The following FAF1 variants were observed in gnomAD, a reference collection of about 807,000 sequenced individuals.
FAF1 encodes the protein FAS-associated factor 1.
In FAF1, 25 loss-of-function variants were observed where a neutral mutation model predicts 92.5. The ratio of observed to expected loss-of-function variants is 0.27; its 90% CI spans 0.20 to 0.38. The LOEUF is 0.38. Ranked by LOEUF, FAF1 falls within the 10% of genes least tolerant of loss-of-function variation. The pLI is 1.00. For missense variants in FAF1, 636 were observed against 793.3 expected (o/e 0.80, Z 2.38); for synonymous variants, 234 against 273.2 (o/e 0.86, Z 1.42).
chr1:50,579,901 G>A (rs966665050), intron 12 of FAF1, among the ~76,000 whole-genome samples: 4 of 152,158 alleles, frequency 2.6e-5, no homozygotes, highest in Non-Finnish European at 5.9e-5. Context: ...GGTGAAGTTT[G>A]TATATGCACT....
intron 13 of FAF1, 110 bp downstream of exon 13, chr1:50,566,967 A>G (rs560843473): frequency 1.3e-6 from 1 of 741,024 alleles, no homozygotes; most frequent in Admixed American, 2.9e-5. Flanking sequence ...AATGAAATGC[A>G]ATGGTAGAGA....
chr1:50,563,899 T>G (rs189316396), intron 13 of FAF1, among the ~76,000 whole-genome samples: 1 of 152,208 alleles, frequency 6.6e-6, no homozygotes, highest in Non-Finnish European at 1.5e-5. Flanking sequence ...TAGAATCATT[T>G]AAGAGGTGTA....
At chr1:50,614,932 A>G (rs1437801790) in intron 8 of FAF1, among the ~76,000 whole-genome samples, 1 of 152,082 alleles carries the variant, frequency 6.6e-6, no homozygotes, top group African/African-American at 2.4e-5. Context: ...TTAAATTTCA[A>G]CTTTTATGTT....
intron 15 of FAF1, among the ~76,000 whole-genome samples, chr1:50,512,187 T>C (rs1402118980): frequency 6.6e-6 from 1 of 152,198 alleles, no homozygotes; most frequent in Non-Finnish European, 1.5e-5. Context: ...ATTCTGTAGG[T>C]TGCCTGTTCA....
chr1:50,835,332 T>C (rs1282193371), intron 2 of FAF1, among the ~76,000 whole-genome samples: 1 of 152,090 alleles, frequency 6.6e-6, no homozygotes, highest in Admixed American at 6.5e-5. Flanking sequence ...TTATAAAAAG[T>C]TAAGAGAAAG....
At chr1:50,533,707 C>T (rs573794303) in intron 15 of FAF1, among the ~76,000 whole-genome samples, 3 of 152,282 alleles carry the variant, frequency 2.0e-5, no homozygotes, top group Admixed American at 1.3e-4. Context: ...CTCTCCCTTA[C>T]GTGTTCTAGG....
chr1:50,732,326 T>TG (rs1409687399), intron 6 of FAF1, among the ~76,000 whole-genome samples: 1 of 152,032 alleles, frequency 6.6e-6, no homozygotes, highest in Non-Finnish European at 1.5e-5. Context: ...CTGCCCACCT[T>TG]GGCCTCCCAA....
At chr1:50,665,585 C>T (rs1655580515) in intron 7 of FAF1, among the ~76,000 whole-genome samples, 1 of 152,194 alleles carries the variant, frequency 6.6e-6, no homozygotes, top group Non-Finnish European at 1.5e-5. Flanking sequence ...TAAAGTTACA[C>T]TGGAACACAG....
intron 8 of FAF1, among the ~76,000 whole-genome samples, chr1:50,624,439 G>A (rs1020829218): frequency 3.9e-5 from 6 of 151,942 alleles, no homozygotes; most frequent in Non-Finnish European, 1.5e-5. Flanking sequence ...GAGCCACCGC[G>A]CCCGGCCAAC....
intron 8 of FAF1, among the ~76,000 whole-genome samples, chr1:50,616,395 G>C (rs929345665): frequency 6.6e-6 from 1 of 152,052 alleles, no homozygotes; most frequent in Non-Finnish European, 1.5e-5. Flanking sequence ...TAGTTTGATC[G>C]GAATAACACA....
chr1:50,570,155 G>A (rs943170524), intron 12 of FAF1, among the ~76,000 whole-genome samples: 1 of 152,160 alleles, frequency 6.6e-6, no homozygotes, highest in Admixed American at 6.6e-5. Flanking sequence ...CTAGCTCCTA[G>A]AGAGACAGCT....
At chr1:50,901,669 C>A (rs911527096) in intron 1 of FAF1, among the ~76,000 whole-genome samples, 1 of 152,072 alleles carries the variant, frequency 6.6e-6, no homozygotes, top group African/African-American at 2.4e-5. Flanking sequence ...GAGTTCAATA[C>A]CAGCCTAGGC....
chr1:50,812,264 C>A (rs1643922911), intron 2 of FAF1, among the ~76,000 whole-genome samples: 1 of 152,042 alleles, frequency 6.6e-6, no homozygotes, highest in African/African-American at 2.4e-5. Flanking sequence ...AGAGTAATCA[C>A]ACAACCAATG....
intron 8 of FAF1, among the ~76,000 whole-genome samples, chr1:50,603,577 C>T (rs991822641): frequency 3.9e-5 from 6 of 152,284 alleles, no homozygotes; most frequent in Non-Finnish European, 5.9e-5. Context: ...CCAACCAAAG[C>T]GCAACTCTAA....
At chr1:50,841,637 G>A (rs1644256947) in intron 2 of FAF1, among the ~76,000 whole-genome samples, 1 of 151,766 alleles carries the variant, frequency 6.6e-6, no homozygotes, top group Non-Finnish European at 1.5e-5. Flanking sequence ...CTAGGCCTTT[G>A]ACTAGCAAAG....
intron 2 of FAF1, among the ~76,000 whole-genome samples, chr1:50,856,375 G>A (rs915520869): frequency 2.6e-5 from 4 of 151,764 alleles, no homozygotes; most frequent in Non-Finnish European, 5.9e-5. Context: ...GCATCGTTTC[G>A]ATTAAGCCAC....
At chr1:50,887,736 T>C (rs1350434287) in intron 1 of FAF1, among the ~76,000 whole-genome samples, 3 of 152,194 alleles carry the variant, frequency 2.0e-5, no homozygotes, top group African/African-American at 2.4e-5. Flanking sequence ...CATTGGTCTA[T>C]ATCTCTGTTT....
intron 8 of FAF1, among the ~76,000 whole-genome samples, chr1:50,620,218 T>A (rs535123148): frequency 6.6e-6 from 1 of 152,340 alleles, no homozygotes; most frequent in Non-Finnish European, 1.5e-5. Flanking sequence ...AGATTTGGTC[T>A]CTTAACATAA....
At chr1:50,491,926 AAGTG>A (rs1646843102) in intron 15 of FAF1, 125 bp from the exon 16 acceptor site, 6 of 675,058 alleles carry the variant, frequency 8.9e-6, no homozygotes, top group Non-Finnish European at 1.5e-5. Context: ...GAGACTTTTA[AAGTG>A]TATAGGACAT....
Sources: gnomAD v4.1 joint callset for allele counts (sites outside exome capture counted in the v4.1 genomes callset) on GRCh38, gnomAD v4.1.1 for gene constraint, MANE v1.5 for transcripts, NCBI Gene and HGNC (gene_info 2026-07-23, HGNC 2026-07-21) for gene names.